Variants in KATNIP observed in about 807,000 individuals in gnomAD.
The protein encoded by KATNIP is katanin-interacting protein.
In KATNIP, 126 loss-of-function variants were observed where a neutral mutation model predicts 174.0. The observed-to-expected ratio is 0.72, with a 90% CI of 0.63 to 0.84. The LOEUF (loss-of-function observed/expected upper bound fraction) is 0.84, where lower values mean the gene tolerates loss of function less well. Among genes scored for constraint, KATNIP ranks in the 40% least tolerant of loss-of-function variants. The probability of loss-of-function intolerance (pLI) is 0.00; values close to 1 mark genes in which losing one functional copy is unlikely to be tolerated. For synonymous variants in KATNIP, 810 were observed against 835.7 expected (o/e 0.97, Z 0.53); for missense variants, 1,958 against 2,109.7 (o/e 0.93, Z 1.41).
intron 2 of KATNIP, among the ~76,000 whole-genome samples, chr16:27,597,410 T>C (rs1465844008): frequency 2.5e-3 from 322 of 131,084 alleles, no homozygotes; most frequent in African/African-American, 0.01. Flanking sequence ...TTCTTTTTTT[T>C]TTTTTTTTTT....
At chr16:27,693,481 C>T (rs1331577735) in intron 8 of KATNIP, among the ~76,000 whole-genome samples, 1 of 152,116 alleles carries the variant, frequency 6.6e-6, no homozygotes, top group Admixed American at 6.5e-5. Flanking sequence ...TTCTGCCTCC[C>T]GGGTTCAAGC....
intron 15 of KATNIP, among the ~76,000 whole-genome samples, chr16:27,748,699 G>A (rs937798492): frequency 3.3e-5 from 5 of 150,936 alleles, no homozygotes; most frequent in East Asian, 2.0e-4. Flanking sequence ...CGGGAGGATC[G>A]CTTGAGGCCA....
chr16:27,694,906 C>G (rs923655324), intron 8 of KATNIP, among the ~76,000 whole-genome samples: 4 of 152,200 alleles, frequency 2.6e-5, no homozygotes, highest in African/African-American at 4.8e-5. Flanking sequence ...ATGCCACACT[C>G]ACATCTTGAA....
intron 3 of KATNIP, among the ~76,000 whole-genome samples, chr16:27,621,784 T>C (rs1475679642): frequency 1.3e-5 from 2 of 149,508 alleles, no homozygotes; most frequent in Admixed American, 1.3e-4. Flanking sequence ...AGAGAGAGGG[T>C]GGGGGGGAGG....
chr16:27,754,090 A>G (rs2143873556), intron 17 of KATNIP, 83 bp from the exon 18 acceptor site: 1 of 1,147,086 alleles, frequency 8.7e-7, no homozygotes, highest in African/African-American at 1.5e-5. Flanking sequence ...GGCAGTGGTA[A>G]ATGCAGAAAC....
intron 6 of KATNIP, among the ~76,000 whole-genome samples, chr16:27,672,727 G>T (rs2142689881): frequency 6.6e-6 from 1 of 152,256 alleles, no homozygotes; most frequent in Middle Eastern, 3.4e-3. Context: ...TGAGAAGTTG[G>T]ACCAGCATAA....
intron 2 of KATNIP, among the ~76,000 whole-genome samples, chr16:27,615,595 C>T (rs569921248): frequency 1.2e-4 from 19 of 152,172 alleles, no homozygotes; most frequent in Admixed American, 2.6e-4. Flanking sequence ...ACCTTGTGAT[C>T]GGCCCACCTC....
At chr16:27,652,805 C>CA (rs55843823) in intron 6 of KATNIP, among the ~76,000 whole-genome samples, 217 of 120,832 alleles carry the variant, frequency 1.8e-3, no homozygotes, top group Admixed American at 4.3e-3. Context: ...AACTCCATCT[C>CA]AAAAAAAAAA....
intron 5 of KATNIP, among the ~76,000 whole-genome samples, chr16:27,641,941 G>T (rs2076812914): frequency 6.6e-6 from 1 of 152,232 alleles, no homozygotes; most frequent in African/African-American, 2.4e-5. Context: ...CCTCAGGCCT[G>T]GGCCCCGTGC....
intron 2 of KATNIP, among the ~76,000 whole-genome samples, chr16:27,604,121 C>T (rs1380807747): frequency 6.6e-6 from 1 of 152,138 alleles, no homozygotes; most frequent in Non-Finnish European, 1.5e-5. Flanking sequence ...TTGATTGAAA[C>T]AGGGTCTCAC....
At chr16:27,715,620 T>A (rs892489770) in intron 13 of KATNIP, among the ~76,000 whole-genome samples, 4 of 152,098 alleles carry the variant, frequency 2.6e-5, no homozygotes, top group Non-Finnish European at 5.9e-5. Context: ...AATTAAAATA[T>A]GGCCAAAGGA....
chr16:27,568,731 G>A (rs974481942), intron 1 of KATNIP, among the ~76,000 whole-genome samples: 1 of 152,182 alleles, frequency 6.6e-6, no homozygotes, highest in African/African-American at 2.4e-5. Flanking sequence ...CCAAAGTGCT[G>A]GGATTACAGG....
Position 27,740,751 on chromosome 16 carries a change from G to C in KATNIP, c.2454G>C (p.Arg818=), listed in dbSNP as rs1381535904. ...ATGAGCCAGGGTGGGGGACCAGCCG[G>C]AGTGTCAACACCAAGGAGAGACCCC... The part of the protein sequence containing the change: ...LRHEPGWGTS[R]SVNTKERPQR... Residue 818 remains arginine, a synonymous_variant, in exon 15 of 28, where the codon CGG becomes CGC. Coordinates refer to ENST00000261588, the MANE Select transcript of KATNIP (RefSeq NM_015202.5). 1 of 1,614,210 alleles carries C rather than the reference G, an allele frequency of 6.2e-7. No individual in the cohort carries two copies. The highest frequency in any genetic ancestry group is 2.2e-5 in the East Asian group (1 of 44,888).
rs2082596630 is a variant in KATNIP, at chr16:27,778,749, G to T, written c.*120G>T. ...TGGAAGCGAACCACAGTGTTGAGGG[G>T]AGCCCGCTGGGAAGAGGGGACTCGG... On this transcript the variant is annotated 3_prime_UTR_variant, in exon 28 of 28. Coordinates refer to ENST00000261588, the MANE Select transcript of KATNIP (RefSeq NM_015202.5). The T allele has an allele frequency of 4.2e-6, 4 of 948,384 alleles. No individual in the cohort carries two copies. Among genetic ancestry groups the T allele is most frequent in the South Asian group, 1.7e-5 (1 of 59,788 alleles). The allele number at this position is 948,384 out of a possible 1,614,324, so 58.7% of individuals were successfully genotyped here.
chr16:27,688,319 A>G (rs1175786016), intron 8 of KATNIP, among the ~76,000 whole-genome samples: 4 of 152,192 alleles, frequency 2.6e-5, no homozygotes, highest in Non-Finnish European at 4.4e-5. Flanking sequence ...TTGGCCGGAC[A>G]TGGTGACTCA....
At chr16:27,745,690 T>C (rs1257416736) in intron 15 of KATNIP, among the ~76,000 whole-genome samples, 1 of 152,232 alleles carries the variant, frequency 6.6e-6, no homozygotes, top group East Asian at 1.9e-4. Context: ...CATAGTCCTA[T>C]TCATCTCAAT....
intron 2 of KATNIP, among the ~76,000 whole-genome samples, chr16:27,599,686 C>T (rs1211931451): frequency 2.0e-5 from 3 of 152,216 alleles, no homozygotes. Flanking sequence ...TCACCTGCAG[C>T]CTGGCACCCA....
At chr16:27,666,653 A>G (rs990928075) in intron 6 of KATNIP, among the ~76,000 whole-genome samples, 6 of 152,130 alleles carry the variant, frequency 3.9e-5, no homozygotes, top group African/African-American at 1.4e-4. Context: ...CCTGACCTCA[A>G]GTGACTTCGG....
At chr16:27,649,902 G>T (rs1012259585) in intron 6 of KATNIP, among the ~76,000 whole-genome samples, 1 of 152,110 alleles carries the variant, frequency 6.6e-6, no homozygotes, top group African/African-American at 2.4e-5. Flanking sequence ...GGGGCCAGGC[G>T]CTGTGGCTCA....
Sources: allele counts gnomAD v4.1 joint callset (sites outside exome capture counted in the v4.1 genomes callset), GRCh38; gene constraint gnomAD v4.1.1; transcripts MANE v1.5; gene names NCBI Gene and HGNC (gene_info 2026-07-23, HGNC 2026-07-21).